RERE: variants seen among roughly 807,000 people sequenced by gnomAD.
RERE encodes the protein arginine-glutamic acid dipeptide repeats protein.
RERE carries 40 observed loss-of-function variants against 146.1 expected under a neutral mutation model. The observed-to-expected ratio is 0.27, with a 90% confidence interval of 0.21 to 0.36. RERE has a LOEUF of 0.36. Ranked by LOEUF, RERE falls within the 10% of genes least tolerant of loss-of-function variation. The probability of loss-of-function intolerance (pLI) is 1.00; values close to 1 mark genes in which losing one functional copy is unlikely to be tolerated. For missense variants in RERE, 1,933 were observed against 2,138.7 expected (o/e 0.90, Z 1.90); for synonymous variants, 1,003 against 866.0 (o/e 1.16, Z -2.78).
At chr1:8,399,305 A>T (rs1643168126) in intron 12 of RERE, among the ~76,000 whole-genome samples, 1 of 152,134 alleles carries the variant, frequency 6.6e-6, no homozygotes, top group South Asian at 2.1e-4. Flanking sequence ...CTCAGGGAAC[A>T]TTAAAATGTT....
intron 1 of RERE, chr1:8,786,131 TCAAC>T: frequency 2.1e-6 from 1 of 471,676 alleles, no homozygotes. Context: ...TTCTTTTTTT[TCAAC>T]TTGAGAGCAG....
chr1:8,498,932 C>T (rs944247716), intron 8 of RERE, among the ~76,000 whole-genome samples: 1 of 151,862 alleles, frequency 6.6e-6, no homozygotes, highest in Non-Finnish European at 1.5e-5. Context: ...ACATAAGATA[C>T]GAACAATTCG....
intron 4 of RERE, among the ~76,000 whole-genome samples, chr1:8,611,920 A>AC (rs1481619283): frequency 1.3e-5 from 2 of 152,014 alleles, no homozygotes; most frequent in African/African-American, 4.8e-5. Context: ...CTCCCTCACT[A>AC]CTCCCTCCCC....
intron 1 of RERE, among the ~76,000 whole-genome samples, chr1:8,747,236 C>T (rs528451170): frequency 6.6e-6 from 1 of 152,152 alleles, no homozygotes; most frequent in East Asian, 1.9e-4. Flanking sequence ...CTCCTGACCT[C>T]GTGATCTGAC....
At chr1:8,742,159 T>G (rs138032296) in intron 1 of RERE, among the ~76,000 whole-genome samples, 262 of 152,348 alleles carry the variant, frequency 1.7e-3, no homozygotes, top group African/African-American at 6.1e-3. Context: ...GACATTCCAT[T>G]GCACACCATG....
rs777097881 is a variant in RERE, at chr1:8,365,925, G to C, written c.1334C>G (p.Ala445Gly). The change falls in exon 13 of 23, where the codon GCC (alanine) becomes GGC (glycine). Residue 445 changes from alanine to glycine, a missense_variant. Coordinates refer to ENST00000400908, the MANE Select transcript of RERE (RefSeq NM_001042681.2). ...YYYWKKTPEA[A>G]SSRAHRRHRR... ...GTGCCTACGATGGGCTCGGGAGCTG[G>C]CTGCTTCGGGGGTCTTCTTCCAATA... is the stretch of plus-strand genomic sequence containing the variant. 1.2e-6 allele frequency: 2 copies of C among 1,614,086 alleles called. No homozygotes were observed. Among genetic ancestry groups the C allele is most frequent in the Non-Finnish European group, 1.7e-6 (2 of 1,180,038 alleles).
Position 8,364,293 on chromosome 1 carries a change from C to A in RERE, c.1541-38G>T. On this transcript the variant is annotated intron_variant, in intron 14 of 22. Transcript: ENST00000400908. This position sits in a 1 kb window ranked among gnomAD's most constrained non-coding sequence, Gnocchi z 5.1. Reference sequence around the variant, plus strand: ...AGTGGTGGGGGCCAACCTTGGAAACCATCCCTCTCCCTGGGGATGTCTGGG... The same window carrying A: ...AGTGGTGGGGGCCAACCTTGGAAACAATCCCTCTCCCTGGGGATGTCTGGG... 6.3e-7 allele frequency: 1 copy of A among 1,585,406 alleles called. No homozygotes were observed. The highest frequency in any genetic ancestry group is 1.1e-5 in the South Asian group (1 of 90,400).
chr1:8,411,419 A>G (rs1224973787), intron 12 of RERE, among the ~76,000 whole-genome samples: 2 of 151,566 alleles, frequency 1.3e-5, no homozygotes, highest in Non-Finnish European at 2.9e-5. Flanking sequence ...GAACTATAGT[A>G]GGAGTATCTA....
rs1642746373 is a variant in RERE, at chr1:8,388,111, C to T, written c.1285-22137G>A. On this transcript the variant is annotated intron_variant, in intron 12 of 22. Coordinates refer to ENST00000400908, the MANE Select transcript of RERE (RefSeq NM_001042681.2). ...CTCTCGGGATAAAGGGGAATGAAAA[C>T]AGCAAGGTGCAGGACATTTTTCCTC... Among the ~76,000 whole-genome samples the T allele has an allele frequency of 1.3e-5, 2 of 152,194 alleles. 1 individual carries two copies. The highest frequency in any genetic ancestry group is 4.1e-4 in the South Asian group (2 of 4,828).
intron 17 of RERE, 118 bp downstream of exon 17, chr1:8,361,645 A>C: frequency 1.5e-6 from 2 of 1,315,964 alleles, no homozygotes; most frequent in Non-Finnish European, 2.1e-6. Context: ...CCAGTGTCAA[A>C]GGCCACTCCA....
At chr1:8,466,774 G>C (rs1644603610) in intron 10 of RERE, among the ~76,000 whole-genome samples, 1 of 152,150 alleles carries the variant, frequency 6.6e-6, no homozygotes, top group African/African-American at 2.4e-5. Context: ...TCTTGTCAAA[G>C]CTAATCAACT....
intron 6 of RERE, among the ~76,000 whole-genome samples, chr1:8,549,308 T>C (rs760003670): frequency 4.9e-4 from 74 of 152,046 alleles, no homozygotes; most frequent in Admixed American, 6.6e-4. Flanking sequence ...CTCAAAAAAA[T>C]ACAGAAGTTT....
intron 1 of RERE, among the ~76,000 whole-genome samples, chr1:8,674,459 C>T (rs1422715269): frequency 6.6e-6 from 1 of 152,140 alleles, no homozygotes; most frequent in African/African-American, 2.4e-5. Flanking sequence ...ACTGTGATAA[C>T]ACCAAGCAGG....
chr1:8,624,674 G>A (rs1221129264), intron 2 of RERE, among the ~76,000 whole-genome samples: 1 of 152,166 alleles, frequency 6.6e-6, no homozygotes, highest in African/African-American at 2.4e-5. Context: ...ATATTCAGAT[G>A]AAGACATTTA....
intron 4 of RERE, among the ~76,000 whole-genome samples, chr1:8,610,317 A>C (rs952710995): frequency 2.0e-5 from 3 of 152,092 alleles, no homozygotes; most frequent in Non-Finnish European, 4.4e-5. Flanking sequence ...TGGGCCGGGC[A>C]CAGTGGCTCA....
intron 1 of RERE, among the ~76,000 whole-genome samples, chr1:8,727,421 T>C (rs779369238): frequency 2.1e-4 from 32 of 152,218 alleles, no homozygotes; most frequent in Non-Finnish European, 3.7e-4. Context: ...GGATTACAGA[T>C]GTGAGCCACC....
intron 4 of RERE, among the ~76,000 whole-genome samples, chr1:8,575,551 ATATATATATATT>A (rs1448664073): frequency 1.5e-4 from 10 of 67,662 alleles, no homozygotes; most frequent in Non-Finnish European, 2.6e-4. Flanking sequence ...ATATATATAT[ATATATATATATT>A]TTTTTTTTTT....
intron 12 of RERE, 141 bp from the exon 13 acceptor site, chr1:8,366,115 G>C (rs1246003737): frequency 2.0e-5 from 18 of 922,052 alleles, no homozygotes; most frequent in Non-Finnish European, 2.7e-5. Flanking sequence ...CTGGAGTTGG[G>C]AGAGGAACTG....
chr1:8,587,594 A>C (rs1338090069), intron 4 of RERE, among the ~76,000 whole-genome samples: 1 of 152,102 alleles, frequency 6.6e-6, no homozygotes, highest in Admixed American at 6.6e-5. Flanking sequence ...TCTATCTCTA[A>C]TCTTTCTTAA....
Sources: allele counts gnomAD v4.1 joint callset (sites outside exome capture counted in the v4.1 genomes callset), GRCh38; gene constraint gnomAD v4.1.1; non-coding constraint Gnocchi (gnomAD v3.1); transcripts MANE v1.5; gene names NCBI Gene and HGNC (gene_info 2026-07-23, HGNC 2026-07-21).